Variants in TMEM163 observed in about 807,000 individuals in gnomAD.
The protein encoded by TMEM163 is transmembrane protein 163.
Under a neutral mutation model 29.3 loss-of-function variants are expected in TMEM163, and 17 were observed. The observed-to-expected ratio is 0.58, with a 90% CI of 0.40 to 0.87. The LOEUF (loss-of-function observed/expected upper bound fraction) is 0.87, where lower values mean the gene tolerates loss of function less well. TMEM163 is among the 40% of genes least tolerant of loss of function. TMEM163 has a pLI of 0.00. For missense variants in TMEM163, 303 were observed against 381.5 expected (o/e 0.79, Z 1.71); for synonymous variants, 157 against 160.6 (o/e 0.98, Z 0.17).
intron 2 of TMEM163, among the ~76,000 whole-genome samples, chr2:134,579,670 G>A (rs1315422804): frequency 2.0e-5 from 3 of 152,094 alleles, no homozygotes; most frequent in Non-Finnish European, 4.4e-5. Context: ...ACAGGGCTTC[G>A]GAAGAGATAT....
chr2:134,524,412 G>T (rs759130890), intron 4 of TMEM163, among the ~76,000 whole-genome samples: 1 of 135,978 alleles, frequency 7.4e-6, no homozygotes, highest in East Asian at 2.6e-4. Context: ...TGCGCAGGAC[G>T]TGCAAGTTTG....
intron 2 of TMEM163, among the ~76,000 whole-genome samples, chr2:134,649,009 A>G (rs1387671102): frequency 6.6e-6 from 1 of 152,212 alleles, no homozygotes; most frequent in Non-Finnish European, 1.5e-5. Flanking sequence ...AATAAAATTG[A>G]AGAAAGAACT....
At chr2:134,551,562 A>C (rs1383606961) in intron 3 of TMEM163, among the ~76,000 whole-genome samples, 3 of 152,190 alleles carry the variant, frequency 2.0e-5, no homozygotes, top group Admixed American at 2.0e-4. Context: ...AACTTCACCC[A>C]ATTTCTAAAC....
chr2:134,712,418 T>C (rs2104900468), intron 2 of TMEM163, among the ~76,000 whole-genome samples: 1 of 151,926 alleles, frequency 6.6e-6, no homozygotes, highest in Non-Finnish European at 1.5e-5. Flanking sequence ...TAGATCTTTC[T>C]GTTAGGTAAT....
At chr2:134,714,260 T>C (rs1025949022) in intron 1 of TMEM163, among the ~76,000 whole-genome samples, 7 of 152,218 alleles carry the variant, frequency 4.6e-5, no homozygotes, top group African/African-American at 1.7e-4. Context: ...GCCATGCATT[T>C]ACATAAACAG....
intron 2 of TMEM163, among the ~76,000 whole-genome samples, chr2:134,639,333 T>A (rs190419986): frequency 6.6e-6 from 1 of 152,350 alleles, no homozygotes; most frequent in African/African-American, 2.4e-5. Flanking sequence ...ATAACTGATA[T>A]ATAGCAAAAT....
intron 2 of TMEM163, among the ~76,000 whole-genome samples, chr2:134,589,279 G>A (rs1424178914): frequency 6.6e-6 from 1 of 152,192 alleles, no homozygotes; most frequent in Admixed American, 6.5e-5. Context: ...ATCTTGAATA[G>A]GGGCTGGGAA....
At chr2:134,656,092 G>C (rs1465438564) in intron 2 of TMEM163, among the ~76,000 whole-genome samples, 12 of 143,602 alleles carry the variant, frequency 8.4e-5, no homozygotes, top group African/African-American at 1.7e-4. Context: ...CGAGCTTCCT[G>C]GCTGCTTTGT....
At chr2:134,582,590 C>T (rs1221667217) in intron 2 of TMEM163, among the ~76,000 whole-genome samples, 3 of 152,194 alleles carry the variant, frequency 2.0e-5, no homozygotes, top group African/African-American at 7.2e-5. Flanking sequence ...GTCAAAGCTT[C>T]ACTCAGACTA....
At chr2:134,667,098 C>T (rs78985176) in intron 2 of TMEM163, among the ~76,000 whole-genome samples, 1 of 152,182 alleles carries the variant, frequency 6.6e-6, no homozygotes, top group Admixed American at 6.5e-5. Context: ...TCCTTATTCA[C>T]CAGATTTGAC....
intron 4 of TMEM163, among the ~76,000 whole-genome samples, chr2:134,525,064 G>T (rs2106496656): frequency 6.6e-6 from 1 of 152,328 alleles, no homozygotes; most frequent in East Asian, 1.9e-4. Flanking sequence ...TCGCCATTCT[G>T]ATTGGCGTCA....
chr2:134,511,679 G>A (rs1288829812), intron 4 of TMEM163, among the ~76,000 whole-genome samples: 1 of 152,204 alleles, frequency 6.6e-6, no homozygotes, highest in African/African-American at 2.4e-5. Context: ...CAGCTGCTGA[G>A]GGAATAAGGG....
chr2:134,520,677 C>A (rs1424588978), intron 4 of TMEM163, among the ~76,000 whole-genome samples: 1 of 152,214 alleles, frequency 6.6e-6, no homozygotes, highest in African/African-American at 2.4e-5. Flanking sequence ...CCCATAAGGT[C>A]CAAATGTGTT....
intron 2 of TMEM163, among the ~76,000 whole-genome samples, chr2:134,693,781 A>G (rs1264710559): frequency 1.3e-5 from 2 of 152,178 alleles, no homozygotes; most frequent in Non-Finnish European, 2.9e-5. Context: ...ACCTCTGGGC[A>G]CTGCTTTAAA....
chr2:134,511,161 G>GGT lies in TMEM163; in HGVS notation c.459-8166_459-8165dup, dbSNP rs1253885027. On this transcript the variant is annotated intron_variant, in intron 4 of 7. Coordinates refer to ENST00000281924, the MANE Select transcript of TMEM163 (RefSeq NM_030923.5). Reference sequence around the variant, plus strand: ...AAAAGGGGAGAACAAGGCGGGGGGGGGTGCTGTTACTTTATATCCAGTACT... The same window carrying GGT: ...AAAAGGGGAGAACAAGGCGGGGGGGGGTGTGCTGTTACTTTATATCCAGTACT... Among the ~76,000 whole-genome samples, 3 of 149,238 alleles carry GGT rather than the reference G, an allele frequency of 2.0e-5. 1 individual carries two copies. The highest frequency in any genetic ancestry group is 7.6e-5 in the African/African-American group (3 of 39,696).
chr2:134,481,382 G>GC (rs200529162), intron 5 of TMEM163, among the ~76,000 whole-genome samples: 19 of 143,404 alleles, frequency 1.3e-4, no homozygotes, highest in Admixed American at 5.7e-4. Flanking sequence ...AATCATGGGG[G>GC]GGGGGGGAGC....
At chr2:134,472,576 A>G (rs1686829776) in intron 5 of TMEM163, among the ~76,000 whole-genome samples, 3 of 152,238 alleles carry the variant, frequency 2.0e-5, no homozygotes, top group Non-Finnish European at 4.4e-5. Context: ...CCCTTTGAGC[A>G]AGCCACCCAC....
intron 4 of TMEM163, among the ~76,000 whole-genome samples, chr2:134,521,268 A>G (rs1207926866): frequency 1.3e-5 from 2 of 152,134 alleles, no homozygotes; most frequent in Non-Finnish European, 2.9e-5. Context: ...AAGTGCTGCG[A>G]TTACAGGCAT....
At chr2:134,511,593 A>G (rs1679950915) in intron 4 of TMEM163, among the ~76,000 whole-genome samples, 2 of 152,218 alleles carry the variant, frequency 1.3e-5, no homozygotes, top group Non-Finnish European at 2.9e-5. Flanking sequence ...AGGCAGGAGA[A>G]GCGGCAGCGC....
Sources: allele counts gnomAD v4.1 joint callset (sites outside exome capture counted in the v4.1 genomes callset), GRCh38; gene constraint gnomAD v4.1.1; transcripts MANE v1.5; gene names NCBI Gene and HGNC (gene_info 2026-07-23, HGNC 2026-07-21).